Variants in PDCD11 observed in about 807,000 individuals in gnomAD.
PDCD11 encodes the protein programmed cell death 11, also known as protein RRP5 homolog.
In PDCD11, 97 loss-of-function variants were observed where a neutral mutation model predicts 198.9. The observed-to-expected ratio is 0.49, with a 90% CI of 0.41 to 0.58. PDCD11 has a LOEUF of 0.58. PDCD11 is among the 20% of genes least tolerant of loss of function. The pLI is 0.00. For synonymous variants in PDCD11, 893 were observed against 918.0 expected, an observed-to-expected ratio of 0.97 and a Z score of 0.49; for missense variants, 2,102 against 2,312.7, an observed-to-expected ratio of 0.91 and a Z score of 1.87.
At chr10:103,425,666 T>G in intron 20 of PDCD11, 141 bp downstream of exon 20, 1 of 704,358 alleles carries the variant, frequency 1.4e-6, no homozygotes, top group Non-Finnish European at 2.4e-6. Context: ...CAAAGAATTA[T>G]TTTGCAAGAT....
intron 8 of PDCD11, among the ~76,000 whole-genome samples, chr10:103,412,555 C>G (rs1414361626): frequency 1.3e-5 from 2 of 151,706 alleles, no homozygotes; most frequent in East Asian, 1.9e-4. Flanking sequence ...CTCCTGACCT[C>G]GTGATCTGCC....
rs1298818737 is a variant in PDCD11 at position 103,413,291 on chromosome 10, G to A, written c.1154G>A (p.Arg385Lys). ...GFFKKAGATF[R>K]LKDGVLAYAR... ...TTCAAAAAGGCTGGGGCCACCTTTAGGCTGAAGGATGGGGTTCTGGCCTAT... is the reference window on the plus strand; with the variant it reads ...TTCAAAAAGGCTGGGGCCACCTTTAAGCTGAAGGATGGGGTTCTGGCCTAT... Residue 385 changes from arginine (R) to lysine (K), a missense_variant, in exon 9 of 36, where the codon AGG (arginine) becomes AAG (lysine). By Grantham distance (26) the Arg-to-Lys change is conservative (BLOSUM62 2). Coordinates refer to ENST00000369797, the MANE Select transcript of PDCD11 (RefSeq NM_014976.2). 6 of 1,614,090 alleles carry A rather than the reference G, an allele frequency of 3.7e-6. No individual in the cohort carries two copies. Among genetic ancestry groups the A allele is most frequent in the African/African-American group, 1.3e-5 (1 of 74,940 alleles).
At chr10:103,430,202 A>T (rs1185225288) in intron 21 of PDCD11, among the ~76,000 whole-genome samples, 1 of 152,136 alleles carries the variant, frequency 6.6e-6, no homozygotes, top group Non-Finnish European at 1.5e-5. Context: ...CTTGTTGCCC[A>T]GGCTGGTCTC....
At position 103,444,064 on chromosome 10, in the gene PDCD11, G is replaced by C. The variant is rs2032500121; in HGVS notation, c.5274G>C (p.Lys1758Asn). The C allele has an allele frequency of 6.2e-7, 1 of 1,610,998 alleles. No individual in the cohort carries two copies. The highest frequency in any genetic ancestry group is 1.3e-5 in the African/African-American group (1 of 74,872). Residue 1758 changes from lysine to asparagine, a missense_variant, in exon 34 of 36, where the codon AAG becomes AAC. Coordinates refer to ENST00000369797, the MANE Select transcript of PDCD11 (RefSeq NM_014976.2). ...LQRALECLPS[K>N]EHVDVIAKFA... ...GAGCCCTGGAGTGCCTGCCTAGCAA[G>C]GAGCGTGAGTGCTCATTCCCAGCTC...
intron 25 of PDCD11, among the ~76,000 whole-genome samples, chr10:103,435,757 C>T (rs552455226): frequency 3.3e-5 from 5 of 152,310 alleles, no homozygotes; most frequent in African/African-American, 1.2e-4. Flanking sequence ...AGGTGATCTG[C>T]CCATCCTGGC....
In PDCD11 at chr10:103,406,609, G is replaced by A; in HGVS notation, c.689G>A (p.Gly230Asp). ...AQEYIRQKNKGAKLKVGQYLN... is the reference protein window; with the variant it reads ...AQEYIRQKNKDAKLKVGQYLN... ...TTGGGGCCTGGGTCTGGGCTTACAG[G>A]TGCTAAACTAAAGGTGGGTCAGTAC... is the stretch of plus-strand genomic sequence containing the variant. The change falls in exon 7 of 36, where the codon GGT (glycine) becomes GAT (aspartate). Residue 230 changes from glycine (G) to aspartate (D), a missense_variant and splice_region_variant. Physicochemically the swap from Gly to Asp is moderately conservative, Grantham distance 94. Coordinates refer to ENST00000369797, the MANE Select transcript of PDCD11 (RefSeq NM_014976.2). The A allele has an allele frequency of 6.2e-7, 1 of 1,613,782 alleles. No individual in the cohort carries two copies. Among genetic ancestry groups the A allele is most frequent in the Non-Finnish European group, 8.5e-7 (1 of 1,179,880 alleles).
intron 4 of PDCD11, among the ~76,000 whole-genome samples, chr10:103,403,941 A>G (rs2030279320): frequency 6.6e-6 from 1 of 152,192 alleles, no homozygotes; most frequent in Non-Finnish European, 1.5e-5. Context: ...TGGTCATGAC[A>G]TCCTGAGATA....
Position 103,434,054 on chromosome 10 carries a change from T to A in PDCD11, c.3564+17T>A, listed in dbSNP as rs2032046497. 1 of 1,599,258 alleles carries A rather than the reference T, an allele frequency of 6.3e-7. No individual in the cohort carries two copies. The highest frequency in any genetic ancestry group is 1.7e-5 in the Admixed American group (1 of 59,994). On this transcript the variant is annotated intron_variant, in intron 23 of 35. Coordinates refer to ENST00000369797, the MANE Select transcript of PDCD11 (RefSeq NM_014976.2). ...AGCTTCAAGGTCAGTGTGCTTGAGATCCCTGGAGAGGGGACCCAAGTTCCC... is the reference window on the plus strand; with the variant it reads ...AGCTTCAAGGTCAGTGTGCTTGAGAACCCTGGAGAGGGGACCCAAGTTCCC...
In PDCD11 at chr10:103,440,426, CA is replaced by C; in HGVS notation, c.4290del (p.Glu1432LysfsTer52). The C allele has an allele frequency of 6.2e-7, 1 of 1,613,848 alleles. No individual in the cohort carries two copies. The highest frequency in any genetic ancestry group is 1.1e-5 in the South Asian group (1 of 91,062). On this transcript the variant is annotated frameshift_variant, in exon 29 of 36. Transcript: ENST00000369797. LOFTEE classifies it high-confidence loss of function. ...GAAAACAGAGGCTGAGGAGAGAGACCAAAAAGGGGAAAAGAAAAATCAGAAA... is the reference window on the plus strand; with the variant it reads ...GAAAACAGAGGCTGAGGAGAGAGACCAAAAGGGGAAAAGAAAAATCAGAAA... ...ERKTEAEERD[Q>X]KGEKKNQKRN... is the part of the protein sequence containing the mutation.
intron 5 of PDCD11, 54 bp from the exon 6 acceptor site, chr10:103,405,931 G>A (rs147305336): frequency 5.4e-5 from 86 of 1,589,358 alleles, no homozygotes; most frequent in Non-Finnish European, 6.7e-5. Context: ...GATGTTTTGT[G>A]TGTGTCCCAT....
chr10:103,428,324 CAAAGT>C (rs2031787907), intron 21 of PDCD11, among the ~76,000 whole-genome samples: 1 of 150,066 alleles, frequency 6.7e-6, no homozygotes, highest in South Asian at 2.1e-4. Context: ...AAAAAAAACA[CAAAGT>C]AAATATTCCT....
chr10:103,440,803 T>C lies in PDCD11; in HGVS notation c.4510T>C (p.Tyr1504His). Reference protein sequence around the residue: ...EEDDSLVDVYYREGKEEAEET... With the variant: ...EEDDSLVDVYHREGKEEAEET... ...GGACGACAGCCTTGTGGACGTGTAC[T>C]ATCGGGAGGGAAAAGAGGAGGCAGA... The change falls in exon 30 of 36, where the codon TAT becomes CAT. Residue 1504 changes from tyrosine (Y) to histidine (H), a missense_variant. Transcript: ENST00000369797. 1 of 1,614,002 alleles carries C rather than the reference T, an allele frequency of 6.2e-7. No homozygotes were observed. The highest frequency in any genetic ancestry group is 1.3e-5 in the African/African-American group (1 of 75,022).
chr10:103,431,640 A>T (rs934745146), intron 21 of PDCD11, among the ~76,000 whole-genome samples: 4 of 17,522 alleles, frequency 2.3e-4, no homozygotes, highest in African/African-American at 5.6e-4. Context: ...TCATTTTATT[A>T]AAAAAAAAAA....
intron 21 of PDCD11, among the ~76,000 whole-genome samples, chr10:103,431,433 A>G (rs897583372): frequency 2.0e-5 from 3 of 151,982 alleles, no homozygotes; most frequent in Non-Finnish European, 4.4e-5. Flanking sequence ...TCTACTAAAA[A>G]TACAAAGAAA....
In PDCD11 at chr10:103,424,999, G is replaced by C; in HGVS notation, c.2779G>C (p.Glu927Gln). The change falls in exon 20 of 36, where the codon GAA becomes CAA. Residue 927 changes from glutamate (E) to glutamine (Q), a missense_variant. Transcript: ENST00000369797. ...TCTCTTCTAGCTGAGGAAAGGCAGC[G>C]AACACCAGGCGATTGTGCAGCACTT... ...RKARKLRKGS[E>Q]HQAIVQHLEK... is the part of the protein sequence containing the mutation. 1 of 1,614,102 alleles carries C rather than the reference G, an allele frequency of 6.2e-7. No homozygotes were observed. Among genetic ancestry groups the C allele is most frequent in the Non-Finnish European group, 8.5e-7 (1 of 1,179,964 alleles).
intron 3 of PDCD11, among the ~76,000 whole-genome samples, chr10:103,402,610 T>C (rs949675246): frequency 1.3e-5 from 2 of 152,088 alleles, no homozygotes; most frequent in Non-Finnish European, 2.9e-5. Flanking sequence ...GGCTAATTTT[T>C]GTATTTTTAG....
intron 33 of PDCD11, 90 bp downstream of exon 33, chr10:103,443,423 G>A (rs1227237218): frequency 1.7e-6 from 2 of 1,198,364 alleles, no homozygotes; most frequent in African/African-American, 3.1e-5. Flanking sequence ...CAGTCCTGCT[G>A]TGAGCTTGCC....
Position 103,413,971 on chromosome 10 carries a change from C to A in PDCD11, c.1191C>A (p.Ser397Arg). ...KDGVLAYARL[S>R]HLSDSKNVFN... ...AATCACTTGGTACTTTGCAGCTCAGCCATCTCTCTGATTCTAAGAACGTCT... is the reference window on the plus strand; with the variant it reads ...AATCACTTGGTACTTTGCAGCTCAGACATCTCTCTGATTCTAAGAACGTCT... The change falls in exon 10 of 36, where the codon AGC becomes AGA. Residue 397 changes from serine to arginine, a missense_variant. Physicochemically the swap from Ser to Arg is moderately radical, Grantham distance 110. Coordinates refer to ENST00000369797, the MANE Select transcript of PDCD11 (RefSeq NM_014976.2). 1 of 1,610,360 alleles carries A rather than the reference C, an allele frequency of 6.2e-7. No individual in the cohort carries two copies. Among genetic ancestry groups the A allele is most frequent in the Admixed American group, 1.7e-5 (1 of 59,374 alleles).
At position 103,405,194 on chromosome 10, in the gene PDCD11, A is replaced by C. The variant is rs1480360851; in HGVS notation, c.564+11A>C. 4 of 1,612,002 alleles carry C rather than the reference A, an allele frequency of 2.5e-6. No individual in the cohort carries two copies. The highest frequency in any genetic ancestry group is 2.7e-5 in the African/African-American group (2 of 74,850). On this transcript the variant is annotated intron_variant, in intron 5 of 35. Coordinates refer to ENST00000369797, the MANE Select transcript of PDCD11 (RefSeq NM_014976.2). ...CTGAAGCCTGGCATGGTAGGTGTCTAGGGTCGGGGAGGAAGAGTGGCAATG... is the reference window on the plus strand; with the variant it reads ...CTGAAGCCTGGCATGGTAGGTGTCTCGGGTCGGGGAGGAAGAGTGGCAATG...
Sources: gnomAD v4.1 joint callset for allele counts (sites outside exome capture counted in the v4.1 genomes callset) on GRCh38, gnomAD v4.1.1 for gene constraint, MANE v1.5 for transcripts, NCBI Gene and HGNC (gene_info 2026-07-23, HGNC 2026-07-21) for gene names.